The following EYS variants were observed in gnomAD, a reference collection of about 807,000 sequenced individuals.
EYS encodes EGF-like photoreceptor maintenance factor.
Under a neutral mutation model 282.1 loss-of-function variants are expected in EYS, and 250 were observed. The observed-to-expected ratio is 0.89, with a 90% CI of 0.80 to 0.98. The LOEUF (loss-of-function observed/expected upper bound fraction) is 0.98. Ranked by LOEUF, EYS falls within the 50% of genes least tolerant of loss-of-function variation. The pLI is 0.00. For synonymous variants in EYS, 1,355 were observed against 1,282.9 expected, an observed-to-expected ratio of 1.06 and a Z score of -1.20; for missense variants, 4,016 against 3,709.0, an observed-to-expected ratio of 1.08 and a Z score of -2.15.
intron 29 of EYS, among the ~76,000 whole-genome samples, chr6:64,359,939 C>A (rs1350992229): frequency 1.3e-5 from 2 of 151,718 alleles, no homozygotes; most frequent in Non-Finnish European, 3.0e-5. Flanking sequence ...AGTATCATCT[C>A]TTTTCCATAT....
intron 33 of EYS, among the ~76,000 whole-genome samples, chr6:64,057,382 T>TTTG: frequency 1.3e-5 from 2 of 151,762 alleles, no homozygotes; most frequent in African/African-American, 4.8e-5. Flanking sequence ...AGTAAGGTTT[T>TTTG]TTTTTTTTTT....
intron 13 of EYS, among the ~76,000 whole-genome samples, chr6:65,039,138 T>C (rs1419511709): frequency 6.6e-6 from 1 of 151,544 alleles, no homozygotes; most frequent in Admixed American, 6.6e-5. Flanking sequence ...CCTTCATAGT[T>C]TTAGGTTTTA....
intron 40 of EYS, among the ~76,000 whole-genome samples, chr6:63,773,011 G>A (rs146322262): frequency 1.7e-3 from 265 of 151,876 alleles, no homozygotes; most frequent in Middle Eastern, 0.017. Context: ...AAGTCCTGAG[G>A]ATCACTCCAT....
intron 36 of EYS, among the ~76,000 whole-genome samples, chr6:63,828,913 G>C (rs1771547762): frequency 6.6e-6 from 1 of 152,204 alleles, no homozygotes; most frequent in African/African-American, 2.4e-5. Context: ...CTAGAAAACT[G>C]TGTGGAGATT....
rs201427753 is a variant in EYS at position 65,546,023 on chromosome 6, TG to T, written c.-332-50031del. 3.7e-3 allele frequency among the ~76,000 whole-genome samples: 548 copies of T among 149,172 alleles called. 3 individuals carry two copies. Among genetic ancestry groups the T allele is most frequent in the African/African-American group, 0.012 (489 of 40,626 alleles). The stretch of plus-strand genomic sequence containing the variant: ...ATTAAAAAATATTTTAACTTTTTTT[TG>T]TTGTTTTTTTTTTGAGATAGAGTCT... On this transcript the variant is annotated intron_variant, in intron 2 of 42. Transcript: ENST00000503581.
Position 63,922,717 on chromosome 6 carries a change from A to G in EYS, c.7056-58359T>C, listed in dbSNP as rs534948466. Among the ~76,000 whole-genome samples, 14 of 152,320 alleles carry G rather than the reference A, an allele frequency of 9.2e-5. No homozygotes were observed. The South Asian group carries it at 2.7e-3, about 29-fold the overall frequency. ...TAAGATGCGTCATTGTTTGTCCTCA[A>G]TGTAGAAAAATTGGTTCTTGTGGGA... is the stretch of plus-strand genomic sequence containing the variant. On this transcript the variant is annotated intron_variant, in intron 35 of 42. Transcript: ENST00000503581.
At chr6:63,754,505 C>T (rs905510693) in intron 41 of EYS, among the ~76,000 whole-genome samples, 1 of 152,176 alleles carries the variant, frequency 6.6e-6, no homozygotes, top group African/African-American at 2.4e-5. Flanking sequence ...ATCCATGTCC[C>T]TGCAAAGGAC....
chr6:65,652,384 T>C (rs1327188420), intron 1 of EYS, among the ~76,000 whole-genome samples: 4 of 151,818 alleles, frequency 2.6e-5, no homozygotes, highest in Non-Finnish European at 4.4e-5. Context: ...GGAGGAAAAA[T>C]TGTGCTGAAG....
intron 22 of EYS, among the ~76,000 whole-genome samples, chr6:64,646,083 T>C (rs1157981532): frequency 1.3e-5 from 2 of 152,170 alleles, no homozygotes; most frequent in African/African-American, 2.4e-5. Context: ...ATTCTCAGGG[T>C]AGCTACACTT....
chr6:64,654,124 T>C (rs914853085), intron 22 of EYS, among the ~76,000 whole-genome samples: 16 of 152,164 alleles, frequency 1.1e-4, no homozygotes, highest in African/African-American at 3.9e-4. Flanking sequence ...AGGTTTTAAA[T>C]TGAAATATTA....
intron 22 of EYS, among the ~76,000 whole-genome samples, chr6:64,795,903 T>C (rs895191241): frequency 1.3e-5 from 2 of 152,194 alleles, no homozygotes; most frequent in African/African-American, 4.8e-5. Flanking sequence ...GTTTATGCAT[T>C]GTAGAATGAT....
intron 22 of EYS, among the ~76,000 whole-genome samples, chr6:64,640,805 G>A (rs1026901490): frequency 6.6e-6 from 1 of 152,024 alleles, no homozygotes; most frequent in Non-Finnish European, 1.5e-5. Flanking sequence ...AACAAAAATA[G>A]CTTTGTATTC....
At chr6:65,638,474 C>G (rs1028434507) in intron 2 of EYS, among the ~76,000 whole-genome samples, 2 of 152,202 alleles carry the variant, frequency 1.3e-5, no homozygotes, top group African/African-American at 4.8e-5. Context: ...GACGCCAGAC[C>G]TAGGGGCTCC....
intron 15 of EYS, among the ~76,000 whole-genome samples, chr6:64,928,026 C>T (rs915813227): frequency 2.0e-5 from 3 of 151,974 alleles, no homozygotes; most frequent in African/African-American, 7.2e-5. Flanking sequence ...ATTTTGGGTT[C>T]AGTGGTAGTT....
In EYS at chr6:64,469,503, G is replaced by A. The variant is rs568576002; in HGVS notation, c.5645-30151C>T. The stretch of plus-strand genomic sequence containing the variant: ...GAAAGGCCAGGCCATACAGAGATAG[G>A]AGCTGAGGGGACATAATGAGAAGTG... On this transcript the variant is annotated intron_variant, in intron 26 of 42. Transcript: ENST00000503581. 5.1e-4 allele frequency among the ~76,000 whole-genome samples: 77 copies of A among 152,234 alleles called. No individual in the cohort carries two copies. In the South Asian group the frequency reaches 8.9e-3, roughly 18 times the overall value.
At chr6:64,596,126 C>T (rs1023615984) in intron 24 of EYS, among the ~76,000 whole-genome samples, 2 of 152,038 alleles carry the variant, frequency 1.3e-5, no homozygotes, top group Admixed American at 1.3e-4. Flanking sequence ...CCAGATCTCA[C>T]AGGAACTCAC....
chr6:64,230,250 A>G (rs2150337767), intron 31 of EYS, among the ~76,000 whole-genome samples: 1 of 152,336 alleles, frequency 6.6e-6, no homozygotes, highest in South Asian at 2.1e-4. Flanking sequence ...ATAAAATAGT[A>G]TTAATTAGAA....
intron 23 of EYS, among the ~76,000 whole-genome samples, chr6:64,623,044 C>G (rs1307992474): frequency 6.6e-6 from 1 of 152,104 alleles, no homozygotes; most frequent in African/African-American, 2.4e-5. Flanking sequence ...AGAATTCTCA[C>G]AGTGTTTAGA....
chr6:65,666,036 A>G (rs1768187925), intron 1 of EYS, among the ~76,000 whole-genome samples: 1 of 151,834 alleles, frequency 6.6e-6, no homozygotes, highest in Non-Finnish European at 1.5e-5. Context: ...CTCCAGGCAT[A>G]CGTATTGATG....
Sources: allele counts gnomAD v4.1 joint callset (sites outside exome capture counted in the v4.1 genomes callset), GRCh38; gene constraint gnomAD v4.1.1; transcripts MANE v1.5; gene names NCBI Gene and HGNC (gene_info 2026-07-23, HGNC 2026-07-21).